Variants in DNAH3 observed in about 807,000 individuals in gnomAD.
The protein encoded by DNAH3 is dynein axonemal heavy chain 3.
DNAH3 carries 332 observed loss-of-function variants against 432.5 expected under a neutral mutation model. The observed-to-expected ratio is 0.77, with a 90% confidence interval of 0.70 to 0.84. The LOEUF is 0.84. Among genes scored for constraint, DNAH3 ranks in the 40% least tolerant of loss-of-function variants. The pLI, the probability that DNAH3 is intolerant of heterozygous loss-of-function variation, is 0.00. For missense variants in DNAH3, 4,861 were observed against 5,114.0 expected (o/e 0.95, Z 1.51); for synonymous variants, 1,956 against 1,900.2 (o/e 1.03, Z -0.76).
chr16:21,025,650 T>A (rs2088512727), intron 38 of DNAH3, among the ~76,000 whole-genome samples: 1 of 151,892 alleles, frequency 6.6e-6, no homozygotes. Context: ...TGCATGTCAG[T>A]GCAGTTCTTT....
chr16:20,962,551 T>A (rs2084874389), intron 53 of DNAH3, among the ~76,000 whole-genome samples: 1 of 152,136 alleles, frequency 6.6e-6, no homozygotes, highest in Non-Finnish European at 1.5e-5. Flanking sequence ...TCTGTCTTTA[T>A]CAGAAAAGAC....
intron 48 of DNAH3, among the ~76,000 whole-genome samples, chr16:20,984,461 G>T (rs1482679647): frequency 2.6e-5 from 4 of 152,136 alleles, no homozygotes; most frequent in African/African-American, 9.7e-5. Flanking sequence ...AAACACAATT[G>T]CTAGGTTTCT....
intron 16 of DNAH3, among the ~76,000 whole-genome samples, chr16:21,100,080 T>G (rs1443707810): frequency 6.6e-6 from 1 of 152,108 alleles, no homozygotes; most frequent in Non-Finnish European, 1.5e-5. Context: ...AATTTTCAAG[T>G]GGTTTGAGTC....
chr16:21,036,435 G>A (rs2089173052), intron 35 of DNAH3, among the ~76,000 whole-genome samples: 1 of 152,014 alleles, frequency 6.6e-6, no homozygotes, highest in Admixed American at 6.6e-5. Context: ...TTTTTTAAGA[G>A]TCAGGGTCTC....
intron 57 of DNAH3, among the ~76,000 whole-genome samples, chr16:20,947,931 A>C (rs1053319906): frequency 6.6e-6 from 1 of 151,910 alleles, no homozygotes; most frequent in South Asian, 2.1e-4. Flanking sequence ...AGGCGCCACC[A>C]CACCTGGTTA....
At chr16:20,964,129 T>C (rs1277953451) in exon 53 of DNAH3, 16 of 1,614,072 alleles carry the variant, frequency 9.9e-6, no homozygotes, top group Non-Finnish European at 1.2e-5. Context: ...CTCCAGGATG[T>C]TACCCTTGGA....
At chr16:21,073,669 A>G (rs2090873447) in intron 21 of DNAH3, among the ~76,000 whole-genome samples, 1 of 152,138 alleles carries the variant, frequency 6.6e-6, no homozygotes, top group Non-Finnish European at 1.5e-5. Flanking sequence ...TTCCCCTAAG[A>G]CAGTCCATAG....
intron 14 of DNAH3, among the ~76,000 whole-genome samples, chr16:21,111,144 T>C (rs893655718): frequency 2.0e-5 from 3 of 152,188 alleles, no homozygotes. Context: ...ATCAGGCCAC[T>C]GCACTCCAGA....
chr16:21,022,747 A>C (rs1021399204), intron 39 of DNAH3, among the ~76,000 whole-genome samples: 2 of 148,834 alleles, frequency 1.3e-5, no homozygotes, highest in African/African-American at 4.9e-5. Flanking sequence ...TTACTTACTA[A>C]ATTTTTTTTT....
intron 57 of DNAH3, among the ~76,000 whole-genome samples, chr16:20,945,904 G>A (rs940810920): frequency 5.9e-5 from 9 of 152,100 alleles, no homozygotes; most frequent in East Asian, 3.8e-4. Context: ...ACCCCCTTCC[G>A]ATAATAAAAC....
intron 5 of DNAH3, 140 bp downstream of exon 6, chr16:21,140,396 A>G (rs762829841): frequency 1.3e-5 from 11 of 826,300 alleles, no homozygotes; most frequent in Middle Eastern, 3.7e-4. Context: ...CGCCCTCTTC[A>G]GTAGCCTGTC....
At position 21,027,064 on chromosome 16, in the gene DNAH3, C is replaced by T. The variant is rs200144864; in HGVS notation, c.5503G>A (p.Ala1835Thr). ...GCTGGAGAGGCTTGCTCGAGGTCGG[C>T]GGGCTCGAAGATCAGGCTCATCTTG... is the stretch of plus-strand genomic sequence containing the variant. The change falls in exon 38 of 62, where the codon GCC becomes ACC. Residue 1835 changes from alanine (A) to threonine (T), a missense_variant. Ala to Thr is a moderately conservative substitution (Grantham distance 58). Transcript: ENST00000261383. 700 of 1,613,528 alleles carry T rather than the reference C, an allele frequency of 4.3e-4. 2 individuals are homozygous for T. Among genetic ancestry groups the T allele is most frequent in the Non-Finnish European group, 5.3e-4 (628 of 1,179,864 alleles).
At chr16:21,053,513 ACC>A (rs2090029010) in intron 28 of DNAH3, among the ~76,000 whole-genome samples, 2 of 152,054 alleles carry the variant, frequency 1.3e-5, no homozygotes, top group Non-Finnish European at 2.9e-5. Context: ...GTGTTTGTGA[ACC>A]CAACCACACT....
intron 41 of DNAH3, 91 bp from the exon 42 acceptor site, chr16:21,003,298 A>G (rs1253808309): frequency 3.7e-6 from 3 of 802,984 alleles, no homozygotes; most frequent in Admixed American, 5.0e-5. Flanking sequence ...AGTTATCAGC[A>G]TATGAAAATG....
At chr16:21,157,926 G>A (rs1223899478) in intron 1 of DNAH3, among the ~76,000 whole-genome samples, 2 of 148,490 alleles carry the variant, frequency 1.3e-5, no homozygotes, top group South Asian at 2.2e-4. Flanking sequence ...GGGGGGGGGC[G>A]GTTCTTGTAA....
intron 23 of DNAH3, among the ~76,000 whole-genome samples, chr16:21,067,743 G>A (rs1363934146): frequency 7.9e-6 from 1 of 127,240 alleles, no homozygotes; most frequent in African/African-American, 2.9e-5. Flanking sequence ...CGGAGTGATA[G>A]AGAAAGCCAG....
chr16:21,125,395 G>C, intron 8 of DNAH3, 25 bp from the exon 10 acceptor site: 1 of 1,547,294 alleles, frequency 6.5e-7, no homozygotes, highest in Non-Finnish European at 8.7e-7. Flanking sequence ...GGGTGTCCAT[G>C]TGAGAAGCTC....
At chr16:21,145,716 G>A (rs1214248664) in intron 2 of DNAH3, among the ~76,000 whole-genome samples, 3 of 152,196 alleles carry the variant, frequency 2.0e-5, no homozygotes, top group Non-Finnish European at 4.4e-5. Context: ...ATTTTACAAT[G>A]AAACACGCAG....
At chr16:21,149,060 G>A (rs7198205) in intron 1 of DNAH3, among the ~76,000 whole-genome samples, 68,984 of 151,632 alleles carry the variant, frequency 0.45, 16,003 homozygotes, top group East Asian at 0.68. Flanking sequence ...GAGAAATCCC[G>A]TCTCTACTAA....
Sources: gnomAD v4.1 joint callset for allele counts (sites outside exome capture counted in the v4.1 genomes callset) on GRCh38, gnomAD v4.1.1 for gene constraint, MANE v1.5 for transcripts, NCBI Gene and HGNC (gene_info 2026-07-23, HGNC 2026-07-21) for gene names.